The following NPSR1 variants were observed in gnomAD, a reference collection of about 807,000 sequenced individuals.
NPSR1 encodes the protein neuropeptide S receptor.
NPSR1 carries 48 observed loss-of-function variants against 46.9 expected under a neutral mutation model. The observed-to-expected ratio is 1.02, with a 90% CI of 0.81 to 1.30. The LOEUF is 1.30. NPSR1 is among the 50% of genes most tolerant of loss of function. The pLI is 0.00. For synonymous variants in NPSR1, 176 were observed against 168.1 expected (o/e 1.05, Z -0.36); for missense variants, 450 against 449.5 (o/e 1.00, Z -0.01).
rs533024696 is a variant in NPSR1 at position 34,875,936 on chromosome 7, C to T, written c.1026-2140C>T. On this transcript the variant is annotated intron_variant, in intron 8 of 8. Transcript: ENST00000359791. ...ATAATGGCCACTGTTCCTGTAGCCC[C>T]TCCTGAGCCCCACCACCCTCCTCAG... 5.9e-5 allele frequency among the ~76,000 whole-genome samples: 9 copies of T among 152,284 alleles called. No homozygotes were observed. The South Asian group carries it at 1.0e-3, about 18-fold the overall frequency.
At chr7:34,782,141 T>C (rs185215374) in intron 3 of NPSR1, among the ~76,000 whole-genome samples, 2 of 152,288 alleles carry the variant, frequency 1.3e-5, no homozygotes, top group East Asian at 1.9e-4. Flanking sequence ...TGTGCACTCA[T>C]GCCTCACATA....
intron 2 of NPSR1, among the ~76,000 whole-genome samples, chr7:34,730,640 A>T (rs1303114948): frequency 6.6e-6 from 1 of 152,244 alleles, no homozygotes; most frequent in Non-Finnish European, 1.5e-5. Flanking sequence ...AAGAAGTCAT[A>T]AACCCAGGAG....
chr7:34,824,865 C>G (rs1001614246), intron 4 of NPSR1, among the ~76,000 whole-genome samples: 6 of 152,010 alleles, frequency 3.9e-5, no homozygotes, highest in African/African-American at 1.5e-4. Context: ...AGGCTTCACA[C>G]CCCCACCATC....
At chr7:34,786,464 C>A (rs1478047729) in intron 3 of NPSR1, among the ~76,000 whole-genome samples, 1 of 152,060 alleles carries the variant, frequency 6.6e-6, no homozygotes, top group Non-Finnish European at 1.5e-5. Context: ...TGGAATCAAC[C>A]TTCTACACTC....
downstream of NPSR1, among the ~76,000 whole-genome samples, chr7:34,853,658 T>A (rs1028378374): frequency 1.1e-4 from 16 of 152,152 alleles, no homozygotes; most frequent in African/African-American, 3.9e-4. Flanking sequence ...AGGAGGTGAC[T>A]CAATATTAAT....
intron 4 of NPSR1, among the ~76,000 whole-genome samples, chr7:34,818,557 G>A (rs1455803607): frequency 6.6e-6 from 1 of 152,008 alleles, no homozygotes; most frequent in Non-Finnish European, 1.5e-5. Context: ...TCACAGAATT[G>A]GAAAAAACTA....
At chr7:34,857,191 T>G (rs1396461747) in intron 8 of NPSR1, among the ~76,000 whole-genome samples, 11 of 151,698 alleles carry the variant, frequency 7.3e-5, no homozygotes, top group African/African-American at 2.4e-5. Context: ...CCTAAGATAA[T>G]CAATTTTCAA....
At chr7:34,713,520 C>T (rs922209951) in intron 2 of NPSR1, among the ~76,000 whole-genome samples, 7 of 152,028 alleles carry the variant, frequency 4.6e-5, no homozygotes, top group Non-Finnish European at 8.8e-5. Flanking sequence ...TTAGGTCAAA[C>T]GCAGAAGGTG....
chr7:34,776,945 C>A (rs372013927), intron 2 of NPSR1, among the ~76,000 whole-genome samples: 83 of 152,272 alleles, frequency 5.5e-4, no homozygotes, highest in African/African-American at 1.9e-3. Flanking sequence ...AGATGTAAGA[C>A]AAAATCCTTC....
chr7:34,770,200 C>T (rs567931798), intron 2 of NPSR1, among the ~76,000 whole-genome samples: 47 of 152,118 alleles, frequency 3.1e-4, no homozygotes, highest in Non-Finnish European at 4.9e-4. Context: ...AATCAGTAAG[C>T]CAAAAGAGAA....
intron 3 of NPSR1, among the ~76,000 whole-genome samples, chr7:34,785,806 C>T (rs917502041): frequency 7.9e-5 from 12 of 152,130 alleles, no homozygotes; most frequent in Non-Finnish European, 1.5e-4. Flanking sequence ...GTTATGTTTA[C>T]ATTTTACTGT....
rs900331299 is a variant in NPSR1, at chr7:34,810,908, C to T, written c.385-862C>T. Among the ~76,000 whole-genome samples the T allele has an allele frequency of 3.3e-5, 5 of 152,142 alleles. No individual in the cohort carries two copies. The South Asian group carries it at 6.2e-4, about 19-fold the overall frequency. On this transcript the variant is annotated intron_variant, in intron 3 of 8. Transcript: ENST00000360581. ...AAAAGGGAGAGTTCCCTGGTCCATC[C>T]ATCACAGGACATGGGACAGGGGTAT...
In NPSR1 at chr7:34,844,964, A is replaced by T. The variant is rs764984258; in HGVS notation, c.826A>T (p.Ser276Cys). The T allele has an allele frequency of 6.2e-7, 1 of 1,611,588 alleles. No individual in the cohort carries two copies. Among genetic ancestry groups the T allele is most frequent in the Non-Finnish European group, 8.5e-7 (1 of 1,177,662 alleles). Residue 276 changes from serine (S) to cysteine (C), a missense_variant, in exon 7 of 9, where the codon AGC becomes TGC. Coordinates refer to ENST00000360581, the MANE Select transcript of NPSR1 (RefSeq NM_207172.2). ...GGCAAAAATCAAGGCTATCAAGTAT[A>T]GCATCATCATCATTCTTGGTAAGCA... is the stretch of plus-strand genomic sequence containing the variant. ...SKAKIKAIKY[S>C]IIIILAFICC... is the part of the protein sequence containing the mutation.
At chr7:34,802,575 T>A (rs866596893) in intron 3 of NPSR1, among the ~76,000 whole-genome samples, 1 of 149,248 alleles carries the variant, frequency 6.7e-6, no homozygotes, top group African/African-American at 2.6e-5. Flanking sequence ...TCAAGATGGA[T>A]TAAAGACTAA....
At position 34,860,523 on chromosome 7, in the gene NPSR1, A is replaced by G. The variant is rs1562776625; in HGVS notation, c.1025+11860A>G. Among the ~76,000 whole-genome samples, 7 of 151,938 alleles carry G rather than the reference A, an allele frequency of 4.6e-5. 1 individual carries two copies. The highest frequency in any genetic ancestry group is 1.2e-4 in the African/African-American group (5 of 41,164). On this transcript the variant is annotated intron_variant, in intron 8 of 8. Transcript: ENST00000359791. ...TAGTGAGAAAAGTGACATTGTTTTAACTTTATGCAAATCTTTTTAAGTTTG... is the reference window on the plus strand; with the variant it reads ...TAGTGAGAAAAGTGACATTGTTTTAGCTTTATGCAAATCTTTTTAAGTTTG...
At chr7:34,861,927 C>T (rs562212455) in intron 8 of NPSR1, among the ~76,000 whole-genome samples, 89 of 151,858 alleles carry the variant, frequency 5.9e-4, no homozygotes, top group Non-Finnish European at 1.1e-3. Flanking sequence ...AACTCATTTG[C>T]ATTCAACTCC....
chr7:34,867,125 C>T (rs1791331721), intron 8 of NPSR1, among the ~76,000 whole-genome samples: 1 of 151,556 alleles, frequency 6.6e-6, no homozygotes, highest in African/African-American at 2.4e-5. Flanking sequence ...AACATAGGAA[C>T]CCAGAACCCT....
chr7:34,752,502 G>A (rs1051290835), intron 2 of NPSR1, among the ~76,000 whole-genome samples: 1 of 152,120 alleles, frequency 6.6e-6, no homozygotes, highest in African/African-American at 2.4e-5. Flanking sequence ...AACTCTTGAT[G>A]GGCTTTTGTT....
intron 5 of NPSR1, 40 bp from the exon 6 acceptor site, chr7:34,834,344 C>CCA: frequency 6.7e-7 from 1 of 1,482,646 alleles, no homozygotes; most frequent in Non-Finnish European, 9.4e-7. Context: ...CAGTAGGGAT[C>CCA]CACCAGTCAC....
Sources: allele counts gnomAD v4.1 joint callset (sites outside exome capture counted in the v4.1 genomes callset), GRCh38; gene constraint gnomAD v4.1.1; transcripts MANE v1.5; gene names NCBI Gene and HGNC (gene_info 2026-07-23, HGNC 2026-07-21).